Variants in SLC9A9 observed in about 807,000 individuals in gnomAD.
SLC9A9 encodes the protein sodium/hydrogen exchanger 9.
A neutral mutation model predicts 77.8 loss-of-function variants in SLC9A9; 62 were observed. The ratio of observed to expected loss-of-function variants is 0.80; its 90% CI spans 0.65 to 0.98. SLC9A9 has a LOEUF of 0.98. Ranked by LOEUF, SLC9A9 falls within the 50% of genes least tolerant of loss-of-function variation. The pLI is 0.00. For synonymous variants in SLC9A9, 320 were observed against 283.5 expected (o/e 1.13, Z -1.29); for missense variants, 775 against 774.9 (o/e 1.00, Z 0.00).
chr3:143,504,436 C>T (rs2035976287), intron 9 of SLC9A9, among the ~76,000 whole-genome samples: 1 of 152,212 alleles, frequency 6.6e-6, no homozygotes, highest in Non-Finnish European at 1.5e-5. Context: ...GTAGAGGTGG[C>T]ACAGGAGATG....
intron 12 of SLC9A9, among the ~76,000 whole-genome samples, chr3:143,395,412 T>A (rs1186383532): frequency 6.6e-6 from 1 of 152,216 alleles, no homozygotes; most frequent in Non-Finnish European, 1.5e-5. Flanking sequence ...AAACTGAAAC[T>A]GGATCCCTTC....
intron 4 of SLC9A9, among the ~76,000 whole-genome samples, chr3:143,743,546 A>G (rs1301919021): frequency 2.0e-5 from 3 of 152,102 alleles, no homozygotes; most frequent in Non-Finnish European, 2.9e-5. Context: ...CAACTTCAGG[A>G]GAGAGAGGAA....
At chr3:143,277,238 G>GA (rs1204492438) in intron 14 of SLC9A9, among the ~76,000 whole-genome samples, 1 of 152,236 alleles carries the variant, frequency 6.6e-6, no homozygotes, top group Non-Finnish European at 1.5e-5. Flanking sequence ...GAGTTCATCT[G>GA]ATCTATATCC....
At chr3:143,815,592 G>A (rs780446854) in intron 2 of SLC9A9, among the ~76,000 whole-genome samples, 24 of 151,914 alleles carry the variant, frequency 1.6e-4, no homozygotes, top group Non-Finnish European at 3.2e-4. Context: ...TCCGCCGGGC[G>A]CAGTGGCTCA....
intron 11 of SLC9A9, among the ~76,000 whole-genome samples, chr3:143,485,704 A>G (rs1408171282): frequency 6.6e-6 from 1 of 152,188 alleles, no homozygotes; most frequent in East Asian, 1.9e-4. Context: ...AAAAATCACA[A>G]GGTATACAGA....
chr3:143,696,511 C>T (rs1933644914), intron 4 of SLC9A9, among the ~76,000 whole-genome samples: 2 of 152,178 alleles, frequency 1.3e-5, no homozygotes, highest in Non-Finnish European at 2.9e-5. Flanking sequence ...AACACTGGGA[C>T]ATTCTGGACA....
At chr3:143,595,217 T>C (rs1317956593) in intron 6 of SLC9A9, among the ~76,000 whole-genome samples, 3 of 152,226 alleles carry the variant, frequency 2.0e-5, no homozygotes, top group Non-Finnish European at 4.4e-5. Flanking sequence ...CCCTCTTTGC[T>C]GAGCTGTTGG....
intron 4 of SLC9A9, among the ~76,000 whole-genome samples, chr3:143,697,720 C>T (rs1933682702): frequency 7.2e-6 from 1 of 138,960 alleles, no homozygotes; most frequent in African/African-American, 2.7e-5. Flanking sequence ...ACACACCCCA[C>T]ATACAGTTTG....
At chr3:143,667,294 C>G (rs992652815) in intron 5 of SLC9A9, among the ~76,000 whole-genome samples, 2 of 152,112 alleles carry the variant, frequency 1.3e-5, no homozygotes, top group Non-Finnish European at 2.9e-5. Flanking sequence ...AAAGCTGAAA[C>G]TGGATCCCTT....
intron 12 of SLC9A9, among the ~76,000 whole-genome samples, chr3:143,410,275 C>G (rs1257414304): frequency 6.6e-6 from 1 of 152,104 alleles, no homozygotes; most frequent in African/African-American, 2.4e-5. Flanking sequence ...ACTGGGGACA[C>G]AAAAATCTGG....
At chr3:143,284,489 G>A (rs563425558) in intron 14 of SLC9A9, among the ~76,000 whole-genome samples, 201 of 151,080 alleles carry the variant, frequency 1.3e-3, no homozygotes, top group African/African-American at 4.5e-3. Context: ...GCCAGAATTC[G>A]TCTCTAAATA....
intron 12 of SLC9A9, among the ~76,000 whole-genome samples, chr3:143,444,241 C>T (rs2034803365): frequency 6.6e-6 from 1 of 152,168 alleles, no homozygotes; most frequent in Non-Finnish European, 1.5e-5. Flanking sequence ...TGGCCAGATG[C>T]CTAGATTTCC....
intron 11 of SLC9A9, among the ~76,000 whole-genome samples, chr3:143,469,240 A>G (rs926793035): frequency 5.3e-5 from 8 of 152,218 alleles, no homozygotes; most frequent in Admixed American, 4.6e-4. Flanking sequence ...ATAGAAATAT[A>G]GACTTGGAAG....
chr3:143,431,895 C>G (rs1232080740), intron 12 of SLC9A9, among the ~76,000 whole-genome samples: 1 of 152,136 alleles, frequency 6.6e-6, no homozygotes, highest in Admixed American at 6.5e-5. Context: ...TCTCACCTTA[C>G]AGTCTTTGCA....
intron 14 of SLC9A9, among the ~76,000 whole-genome samples, chr3:143,284,250 A>G (rs1480186168): frequency 6.6e-6 from 1 of 152,182 alleles, no homozygotes; most frequent in Admixed American, 6.5e-5. Context: ...CTGGAAGTCT[A>G]TTCATTCTTT....
In SLC9A9 at chr3:143,818,386, A is replaced by C. The variant is rs566959795; in HGVS notation, c.378+13633T>G. Among the ~76,000 whole-genome samples, 5 of 152,236 alleles carry C rather than the reference A, an allele frequency of 3.3e-5. No individual in the cohort carries two copies. The East Asian group carries it at 9.7e-4, about 29-fold the overall frequency. On this transcript the variant is annotated intron_variant, in intron 2 of 15. Coordinates refer to ENST00000316549, the MANE Select transcript of SLC9A9 (RefSeq NM_173653.4). The stretch of plus-strand genomic sequence containing the variant: ...CAATGTCTCAATCTCAGCTCACTGC[A>C]GCCTCCACCTCCCGGCATCAAATTA...
At chr3:143,360,709 T>C (rs141252255) in intron 14 of SLC9A9, among the ~76,000 whole-genome samples, 2,242 of 152,348 alleles carry the variant, frequency 0.015, 71 homozygotes, top group East Asian at 0.085. Context: ...TGACTGGTTT[T>C]ATTGATAACA....
intron 12 of SLC9A9, among the ~76,000 whole-genome samples, chr3:143,433,497 T>C (rs1293801051): frequency 1.3e-5 from 2 of 152,216 alleles, no homozygotes; most frequent in Non-Finnish European, 2.9e-5. Context: ...ATCCAATTTC[T>C]CTTTTTATAA....
At chr3:143,518,950 T>A (rs2036249064) in intron 9 of SLC9A9, among the ~76,000 whole-genome samples, 1 of 152,206 alleles carries the variant, frequency 6.6e-6, no homozygotes, top group East Asian at 1.9e-4. Flanking sequence ...CTACCTGTAG[T>A]ATGTAAACAA....
Sources: allele counts gnomAD v4.1 joint callset (sites outside exome capture counted in the v4.1 genomes callset), GRCh38; gene constraint gnomAD v4.1.1; transcripts MANE v1.5; gene names NCBI Gene and HGNC (gene_info 2026-07-23, HGNC 2026-07-21).